VPS50: variants seen among roughly 807,000 people sequenced by gnomAD.
VPS50 encodes the protein syndetin.
A neutral mutation model predicts 139.7 loss-of-function variants in VPS50; 70 were observed. That is an observed-to-expected ratio of 0.50 (90% CI 0.41 to 0.61). The LOEUF is 0.61. Ranked by LOEUF, VPS50 falls within the 20% of genes least tolerant of loss-of-function variation. The pLI is 0.00. For missense variants in VPS50, 921 were observed against 1,133.7 expected (o/e 0.81, Z 2.69); for synonymous variants, 365 against 376.7 (o/e 0.97, Z 0.36).
chr7:93,269,794 T>C (rs922594103), intron 9 of VPS50, among the ~76,000 whole-genome samples: 3 of 152,174 alleles, frequency 2.0e-5, no homozygotes, highest in Admixed American at 2.0e-4. Context: ...ACAAAAGTGA[T>C]TTTTTATATT....
At chr7:93,324,282 C>T (rs995068543) in intron 21 of VPS50, among the ~76,000 whole-genome samples, 1 of 152,114 alleles carries the variant, frequency 6.6e-6, no homozygotes, top group Non-Finnish European at 1.5e-5. Flanking sequence ...CCTTTATTTC[C>T]TTCTCCTGCC....
At chr7:93,272,564 A>C in intron 10 of VPS50, 71 bp from the exon 11 acceptor site, 2 of 605,776 alleles carry the variant, frequency 3.3e-6, no homozygotes, top group South Asian at 2.4e-5. Context: ...AATTAGTCTT[A>C]ATGTTTTCTT....
At chr7:93,329,908 T>C (rs978604392) in intron 21 of VPS50, among the ~76,000 whole-genome samples, 19 of 152,154 alleles carry the variant, frequency 1.2e-4, no homozygotes, top group Non-Finnish European at 2.6e-4. Flanking sequence ...AAGGAAGTTA[T>C]TAAACTGAAG....
At chr7:93,294,181 T>C (rs1247682737) in intron 13 of VPS50, among the ~76,000 whole-genome samples, 3 of 152,124 alleles carry the variant, frequency 2.0e-5, no homozygotes, top group Non-Finnish European at 4.4e-5. Context: ...CGCATATTAA[T>C]TGATAATTCA....
intron 5 of VPS50, 121 bp from the exon 6 acceptor site, chr7:93,257,273 C>T: frequency 3.5e-6 from 2 of 577,698 alleles, no homozygotes; most frequent in South Asian, 2.2e-5. Flanking sequence ...ATTTTTGTTG[C>T]TACTTTGTTT....
chr7:93,270,429 A>G (rs1346514491), intron 9 of VPS50, among the ~76,000 whole-genome samples: 1 of 152,074 alleles, frequency 6.6e-6, no homozygotes, highest in Non-Finnish European at 1.5e-5. Flanking sequence ...TTTGCCAAAC[A>G]TATTTTTGTG....
intron 23 of VPS50, among the ~76,000 whole-genome samples, chr7:93,342,561 C>T (rs1176263229): frequency 6.6e-6 from 1 of 152,244 alleles, no homozygotes; most frequent in Non-Finnish European, 1.5e-5. Context: ...GTAACCTCTG[C>T]AGACTTAAAT....
At chr7:93,293,706 C>T (rs1272944335) in intron 13 of VPS50, among the ~76,000 whole-genome samples, 5 of 152,098 alleles carry the variant, frequency 3.3e-5, no homozygotes, top group South Asian at 2.1e-4. Context: ...AATACTTTAA[C>T]GTTCTAAGGT....
intron 2 of VPS50, among the ~76,000 whole-genome samples, chr7:93,252,410 T>A (rs1795362943): frequency 1.3e-5 from 2 of 152,188 alleles, no homozygotes. Context: ...ACCTTGTTGA[T>A]GTGCAAGGAA....
chr7:93,265,624 G>C (rs1795818548), intron 9 of VPS50, among the ~76,000 whole-genome samples: 1 of 152,084 alleles, frequency 6.6e-6, no homozygotes, highest in East Asian at 1.9e-4. Flanking sequence ...GAGTGCAGTG[G>C]TACAATCTCG....
chr7:93,234,939 TAA>T (rs11289729), intron 1 of VPS50, among the ~76,000 whole-genome samples: 27 of 144,720 alleles, frequency 1.9e-4, no homozygotes, highest in Admixed American at 7.5e-4. Flanking sequence ...CTATTCTAAG[TAA>T]AAAAAAAAAA....
intron 22 of VPS50, among the ~76,000 whole-genome samples, chr7:93,337,143 G>T (rs1798090051): frequency 6.6e-6 from 1 of 152,120 alleles, no homozygotes; most frequent in African/African-American, 2.4e-5. Flanking sequence ...TATAAACACA[G>T]AACTTTAGTC....
intron 21 of VPS50, among the ~76,000 whole-genome samples, chr7:93,325,954 C>A (rs1421763406): frequency 6.6e-6 from 1 of 151,430 alleles, no homozygotes; most frequent in Non-Finnish European, 1.5e-5. Flanking sequence ...TGGGTATATA[C>A]CCAAAGGACT....
chr7:93,315,922 G>A (rs1376066940), intron 20 of VPS50, among the ~76,000 whole-genome samples: 4 of 147,352 alleles, frequency 2.7e-5, no homozygotes, highest in African/African-American at 1.0e-4. Flanking sequence ...TTTGTACTTT[G>A]TACTTAAGGA....
chr7:93,334,617 G>T (rs985406485), intron 22 of VPS50, among the ~76,000 whole-genome samples: 11 of 152,180 alleles, frequency 7.2e-5, no homozygotes, highest in African/African-American at 2.7e-4. Context: ...TTGGGACACT[G>T]GTATATGCTG....
chr7:93,274,045 G>A lies in VPS50; in HGVS notation c.801+1312G>A, dbSNP rs559658088. Among the ~76,000 whole-genome samples the A allele has an allele frequency of 5.1e-4, 77 of 152,114 alleles. 1 individual carries two copies. Among genetic ancestry groups the A allele is most frequent in the Non-Finnish European group, 5.0e-4 (34 of 67,956 alleles). On this transcript the variant is annotated intron_variant, in intron 11 of 27. Coordinates refer to ENST00000305866, the MANE Select transcript of VPS50 (RefSeq NM_017667.4). ...ATTCACAAATGTGTGTGTTCTGACC[G>A]CTGTACCAACTGGCCATTCCCCCTT...
At chr7:93,233,792 G>A (rs568995234) in intron 1 of VPS50, among the ~76,000 whole-genome samples, 2 of 152,176 alleles carry the variant, frequency 1.3e-5, no homozygotes, top group African/African-American at 4.8e-5. Flanking sequence ...ACGTTTTTAA[G>A]CATCTATTTC....
intron 25 of VPS50, among the ~76,000 whole-genome samples, chr7:93,350,764 A>G (rs1208879055): frequency 1.3e-5 from 2 of 152,224 alleles, no homozygotes; most frequent in Non-Finnish European, 2.9e-5. Context: ...ATGTATTGTC[A>G]TGCTCAGAGA....
intron 16 of VPS50, among the ~76,000 whole-genome samples, chr7:93,301,253 C>T (rs531403604): frequency 1.6e-4 from 24 of 150,534 alleles, no homozygotes; most frequent in Admixed American, 1.2e-3. Context: ...GCCAAGATCG[C>T]GCCACTGCAC....
Sources: allele counts gnomAD v4.1 joint callset (sites outside exome capture counted in the v4.1 genomes callset), GRCh38; gene constraint gnomAD v4.1.1; transcripts MANE v1.5; gene names NCBI Gene and HGNC (gene_info 2026-07-23, HGNC 2026-07-21).